NDRG3: variants seen among roughly 807,000 people sequenced by gnomAD.
NDRG3 encodes NDRG family member 3, also known as protein NDRG3.
NDRG3 carries 23 observed loss-of-function variants against 57.2 expected under a neutral mutation model. That is an observed-to-expected ratio of 0.40 (90% CI 0.29 to 0.57). The LOEUF (loss-of-function observed/expected upper bound fraction) is 0.57. NDRG3 is among the 20% of genes least tolerant of loss of function. The pLI is 0.42. For missense variants in NDRG3, 384 were observed against 457.3 expected (o/e 0.84, Z 1.46); for synonymous variants, 132 against 162.6 (o/e 0.81, Z 1.43).
rs1387574692 is a variant in NDRG3 at position 36,653,480 on chromosome 20, G to T, written c.*40C>A. On this transcript the variant is annotated 3_prime_UTR_variant, in exon 16 of 16. Transcript: ENST00000349004. This position sits in a 1 kb window ranked among gnomAD's most constrained non-coding sequence, Gnocchi z 4.2. Reference sequence around the variant, plus strand: ...ATGTTATATTATGGAGTGGTCATTTGAAGGATGGACTTGCAATGGTCCAGG... The same window carrying T: ...ATGTTATATTATGGAGTGGTCATTTTAAGGATGGACTTGCAATGGTCCAGG... The T allele has an allele frequency of 6.3e-7, 1 of 1,582,304 alleles. No homozygotes were observed. Among genetic ancestry groups the T allele is most frequent in the Admixed American group, 1.7e-5 (1 of 58,348 alleles).
At chr20:36,728,801 C>A (rs1480637900) in intron 1 of NDRG3, among the ~76,000 whole-genome samples, 1 of 152,076 alleles carries the variant, frequency 6.6e-6, no homozygotes, top group Non-Finnish European at 1.5e-5. Context: ...TCGCGGCTCA[C>A]TGCAACCTCC....
chr20:36,670,621 T>C (rs373269483), intron 9 of NDRG3, among the ~76,000 whole-genome samples: 31 of 152,290 alleles, frequency 2.0e-4, no homozygotes, highest in African/African-American at 7.5e-4. Context: ...GGTTTGCACA[T>C]CTAAAGTATT....
At chr20:36,734,208 A>G (rs1394557407) in intron 1 of NDRG3, among the ~76,000 whole-genome samples, 2 of 147,574 alleles carry the variant, frequency 1.4e-5, no homozygotes, top group African/African-American at 2.5e-5. Context: ...CTCCGTCTCA[A>G]AAAAAAAAAA....
At chr20:36,655,364 G>A (rs1978564409) in intron 15 of NDRG3, among the ~76,000 whole-genome samples, 1 of 152,248 alleles carries the variant, frequency 6.6e-6, no homozygotes, top group Middle Eastern at 3.2e-3. Context: ...TCACCCTACT[G>A]GGTAAAGAGC....
At chr20:36,695,214 T>C (rs189696778) in intron 3 of NDRG3, among the ~76,000 whole-genome samples, 1 of 152,344 alleles carries the variant, frequency 6.6e-6, no homozygotes, top group Admixed American at 6.5e-5. Context: ...AATGCTGTCA[T>C]CTTCGTAAGC....
intron 1 of NDRG3, among the ~76,000 whole-genome samples, chr20:36,737,385 TA>T (rs2148227542): frequency 6.6e-6 from 1 of 152,184 alleles, no homozygotes; most frequent in African/African-American, 2.4e-5. Context: ...GCGGAATCCC[TA>T]AAAACAATTT....
intron 2 of NDRG3, among the ~76,000 whole-genome samples, chr20:36,719,633 T>C (rs1292317186): frequency 6.6e-6 from 1 of 151,680 alleles, no homozygotes; most frequent in Non-Finnish European, 1.5e-5. Context: ...TAAAAAGTAA[T>C]AAGCAACAGA....
chr20:36,672,642 A>G (rs1359730120), intron 8 of NDRG3, among the ~76,000 whole-genome samples: 1 of 152,134 alleles, frequency 6.6e-6, no homozygotes, highest in Non-Finnish European at 1.5e-5. Flanking sequence ...CAGGCTGACC[A>G]ACATGGTGAA....
intron 2 of NDRG3, among the ~76,000 whole-genome samples, chr20:36,715,650 T>C (rs1168398886): frequency 3.3e-5 from 5 of 149,354 alleles, no homozygotes; most frequent in Non-Finnish European, 1.5e-5. Flanking sequence ...AGACCTCTTC[T>C]CTACAAATAA....
intron 5 of NDRG3, among the ~76,000 whole-genome samples, chr20:36,685,922 A>C (rs1981748013): frequency 6.6e-6 from 1 of 152,210 alleles, no homozygotes; most frequent in Admixed American, 6.5e-5. Context: ...AGATGGGAGG[A>C]TCACTTGAGC....
intron 1 of NDRG3, among the ~76,000 whole-genome samples, chr20:36,739,525 GGGCCAGGCACAGT>G (rs1215256898): frequency 1.4e-5 from 2 of 140,700 alleles, no homozygotes; most frequent in Non-Finnish European, 3.1e-5. Flanking sequence ...TAGAAGCACT[GGGCCAGGCACAGT>G]GGCTCACACC....
intron 1 of NDRG3, among the ~76,000 whole-genome samples, chr20:36,737,924 C>T (rs1048714357): frequency 6.6e-6 from 1 of 151,660 alleles, no homozygotes; most frequent in African/African-American, 2.4e-5. Flanking sequence ...ATTCGCCAGG[C>T]ATGGTGGCGG....
At chr20:36,665,654 A>C (rs1327066409) in intron 10 of NDRG3, among the ~76,000 whole-genome samples, 1 of 152,172 alleles carries the variant, frequency 6.6e-6, no homozygotes, top group Non-Finnish European at 1.5e-5. Flanking sequence ...GCTGGAGTGC[A>C]GTGGCACGAT....
chr20:36,745,715 A>G (rs1986155808), intron 1 of NDRG3, among the ~76,000 whole-genome samples: 2 of 152,228 alleles, frequency 1.3e-5, no homozygotes, highest in Non-Finnish European at 2.9e-5. Flanking sequence ...TGCCGCCTGC[A>G]GAGCCAGAGC....
chr20:36,657,505 C>T (rs373631016), intron 13 of NDRG3, among the ~76,000 whole-genome samples: 193 of 150,854 alleles, frequency 1.3e-3, no homozygotes, highest in African/African-American at 4.4e-3. Flanking sequence ...AAAAAAGGAA[C>T]GTACATTTCT....
intron 12 of NDRG3, among the ~76,000 whole-genome samples, chr20:36,661,618 C>G (rs1231662072): frequency 6.6e-6 from 1 of 152,152 alleles, no homozygotes. Flanking sequence ...AGCAAAGCCC[C>G]AGGGGTGGAA....
intron 9 of NDRG3, among the ~76,000 whole-genome samples, chr20:36,669,869 A>G (rs1979994712): frequency 6.6e-6 from 1 of 152,200 alleles, no homozygotes; most frequent in Non-Finnish European, 1.5e-5. Flanking sequence ...AAGTGCTGGG[A>G]TTACAGATGT....
intron 1 of NDRG3, among the ~76,000 whole-genome samples, 171 bp downstream of exon 1, chr20:36,745,874 C>CGGGCG (rs531647156): frequency 0.011 from 789 of 73,234 alleles, 8 homozygotes; most frequent in African/African-American, 0.037. Flanking sequence ...GTCCGGCGGG[C>CGGGCG]GGGCGGGGCG....
At chr20:36,672,799 G>A (rs1425472576) in intron 8 of NDRG3, among the ~76,000 whole-genome samples, 11 of 150,562 alleles carry the variant, frequency 7.3e-5, no homozygotes, top group African/African-American at 2.5e-4. Flanking sequence ...ACTGCACTCC[G>A]CCCTGGGCAA....
Sources: allele counts gnomAD v4.1 joint callset (sites outside exome capture counted in the v4.1 genomes callset), GRCh38; gene constraint gnomAD v4.1.1; non-coding constraint Gnocchi (gnomAD v3.1); transcripts MANE v1.5; gene names NCBI Gene and HGNC (gene_info 2026-07-23, HGNC 2026-07-21).